The following SHANK2 variants were observed in gnomAD, a reference collection of about 807,000 sequenced individuals.
SHANK2 encodes the protein SH3 and multiple ankyrin repeat domains protein 2.
Under a neutral mutation model 133.7 loss-of-function variants are expected in SHANK2, and 43 were observed. The ratio of observed to expected loss-of-function variants is 0.32; its 90% confidence interval spans 0.25 to 0.41. SHANK2 has a LOEUF of 0.41. SHANK2 is among the 10% of genes least tolerant of loss of function. The pLI is 1.00. For missense variants in SHANK2, 1,994 were observed against 2,235.8 expected (o/e 0.89, Z 2.18); for synonymous variants, 1,017 against 952.8 (o/e 1.07, Z -1.24).
At chr11:70,843,245 G>C (rs1204660058) in intron 11 of SHANK2, among the ~76,000 whole-genome samples, 1 of 148,576 alleles carries the variant, frequency 6.7e-6, no homozygotes, top group East Asian at 2.1e-4. Context: ...GGGTGGGCTG[G>C]GCTCCTATGG....
intron 14 of SHANK2, among the ~76,000 whole-genome samples, chr11:70,753,811 A>AGTGTGTGT (rs1555037997): frequency 6.9e-6 from 1 of 144,714 alleles, no homozygotes; most frequent in East Asian, 2.0e-4. Flanking sequence ...AAAGATATTA[A>AGTGTGTGT]GTGTGTGTGT....
intron 8 of SHANK2, among the ~76,000 whole-genome samples, chr11:71,087,741 G>A (rs969169346): frequency 6.6e-5 from 10 of 152,078 alleles, no homozygotes; most frequent in South Asian, 2.1e-4. Flanking sequence ...CGATTTGCAC[G>A]CCTCAGCCGC....
chr11:70,495,393 T>G (rs2058954946), intron 21 of SHANK2, among the ~76,000 whole-genome samples: 1 of 152,240 alleles, frequency 6.6e-6, no homozygotes, highest in Admixed American at 6.5e-5. Flanking sequence ...CCCCCTTGAC[T>G]TGGGACCAGG....
At chr11:71,210,250 A>ATATATATATATATATATT (rs1353494730) in intron 2 of SHANK2, among the ~76,000 whole-genome samples, 23 of 85,452 alleles carry the variant, frequency 2.7e-4, no homozygotes, top group African/African-American at 7.9e-4. Flanking sequence ...ATATATATAT[A>ATATATATATATATATATT]TATTTATTTA....
rs781977357 is a variant in SHANK2, at chr11:70,519,905, A to ATTTTTT, written c.2062-16980_2062-16975dup. Reference sequence around the variant, plus strand: ...CCACAGGCATGCACCACCATGCCTAATTTTTTTTTTTTTTTTTTTTTTTTT... The same window carrying ATTTTTT: ...CCACAGGCATGCACCACCATGCCTAATTTTTTTTTTTTTTTTTTTTTTTTTTTTTTT... On this transcript the variant is annotated intron_variant, in intron 17 of 25. Coordinates refer to ENST00000601538, the MANE Select transcript of SHANK2 (RefSeq NM_012309.5). 1.6e-4 allele frequency among the ~76,000 whole-genome samples: 20 copies of ATTTTTT among 121,450 alleles called. No homozygotes were observed. The East Asian group carries it at 4.1e-3, about 25-fold the overall frequency. 79.7% of individuals were successfully genotyped at this position (121,450 alleles called of 152,430 possible).
At chr11:71,178,839 T>G (rs1953495136) in intron 2 of SHANK2, among the ~76,000 whole-genome samples, 1 of 151,904 alleles carries the variant, frequency 6.6e-6, no homozygotes. Flanking sequence ...CAAAAATTAT[T>G]GGGAGTGGTG....
intron 14 of SHANK2, among the ~76,000 whole-genome samples, chr11:70,715,185 G>C (rs1555026987): frequency 6.6e-6 from 1 of 152,174 alleles, no homozygotes; most frequent in Non-Finnish European, 1.5e-5. Context: ...TGCTACACTT[G>C]AGAATTATCC....
At chr11:71,085,497 A>AGC (rs1323811281) in intron 8 of SHANK2, among the ~76,000 whole-genome samples, 4 of 119,888 alleles carry the variant, frequency 3.3e-5, no homozygotes, top group Non-Finnish European at 6.5e-5. Context: ...TATAATATAT[A>AGC]ATATATATGT....
At chr11:70,550,274 C>T (rs11236605) in intron 17 of SHANK2, among the ~76,000 whole-genome samples, 24,969 of 152,098 alleles carry the variant, frequency 0.16, 2,270 homozygotes, top group East Asian at 0.36. Flanking sequence ...AGCCTCCTTA[C>T]AGCCCTTTCC....
chr11:70,616,274 A>G (rs2060740531), intron 17 of SHANK2, among the ~76,000 whole-genome samples: 1 of 152,040 alleles, frequency 6.6e-6, no homozygotes, highest in Admixed American at 6.5e-5. Flanking sequence ...GAGAAGTCTC[A>G]ATGAGCAGAA....
chr11:71,234,397 ATAAATAAC>A lies in SHANK2; in HGVS notation c.-112-9609_-112-9602del, dbSNP rs1317725828. 5.4e-3 allele frequency among the ~76,000 whole-genome samples: 815 copies of A among 150,230 alleles called. 8 individuals are homozygous for A. Among genetic ancestry groups the A allele is most frequent in the African/African-American group, 0.018 (756 of 40,958 alleles). ...AATAAATAAATAAATAAATAAATAA[ATAAATAAC>A]AACAAAATGTTAGCCTGCAGATGCA... is the stretch of plus-strand genomic sequence containing the variant. On this transcript the variant is annotated intron_variant, in intron 1 of 25. Coordinates refer to ENST00000601538, the MANE Select transcript of SHANK2 (RefSeq NM_012309.5).
intron 15 of SHANK2, among the ~76,000 whole-genome samples, chr11:70,662,396 C>T (rs1331611811): frequency 6.6e-5 from 10 of 152,310 alleles, no homozygotes; most frequent in African/African-American, 2.4e-4. Flanking sequence ...GCGCGAGCAT[C>T]CGCAGGCTGG....
At chr11:70,931,009 A>G (rs1195390304) in intron 10 of SHANK2, among the ~76,000 whole-genome samples, 3 of 152,160 alleles carry the variant, frequency 2.0e-5, no homozygotes, top group African/African-American at 7.2e-5. Flanking sequence ...CCATCAATGG[A>G]TAAATGGATG....
chr11:71,180,806 CA>C (rs1189093951), intron 2 of SHANK2, among the ~76,000 whole-genome samples: 1 of 152,022 alleles, frequency 6.6e-6, no homozygotes, highest in Non-Finnish European at 1.5e-5. Context: ...TACCAGCCAC[CA>C]CTCTTACATA....
intron 2 of SHANK2, among the ~76,000 whole-genome samples, chr11:71,163,071 T>TAAAAAAA (rs1159852026): frequency 2.2e-5 from 1 of 45,608 alleles, no homozygotes; most frequent in Non-Finnish European, 3.9e-5. Context: ...AGACTCTGTC[T>TAAAAAAA]AAAAAAAAAA....
At position 70,856,434 on chromosome 11, in the gene SHANK2, A is replaced by G. The variant is rs150591343; in HGVS notation, c.1175-35752T>C. Among the ~76,000 whole-genome samples, 529 of 151,662 alleles carry G rather than the reference A, an allele frequency of 3.5e-3. 3 individuals carry two copies. Among genetic ancestry groups the G allele is most frequent in the African/African-American group, 0.011 (468 of 41,340 alleles). On this transcript the variant is annotated intron_variant, in intron 11 of 25. Coordinates refer to ENST00000601538, the MANE Select transcript of SHANK2 (RefSeq NM_012309.5). ...AATGGGTAGATGGATGGATGGATAA[A>G]TTAACAGATGGATATTTGGATGGAT...
chr11:70,484,918 C>G (rs2058779894), intron 25 of SHANK2, among the ~76,000 whole-genome samples: 1 of 152,146 alleles, frequency 6.6e-6, no homozygotes, highest in South Asian at 2.1e-4. Flanking sequence ...CTTGGGGCAG[C>G]TAGTCTCCTG....
chr11:70,826,679 T>C (rs952716531), intron 11 of SHANK2: 2 of 372,562 alleles, frequency 5.4e-6, no homozygotes, highest in Admixed American at 6.3e-5. Flanking sequence ...CCCAGCGTGC[T>C]GGTGACAAAG....
chr11:71,097,472 T>C (rs782390657), intron 6 of SHANK2, among the ~76,000 whole-genome samples: 7 of 152,250 alleles, frequency 4.6e-5, no homozygotes, highest in Middle Eastern at 3.2e-3. Context: ...TCTTTAGTTT[T>C]AAAAATAGAC....
Sources: gnomAD v4.1 joint callset for allele counts (sites outside exome capture counted in the v4.1 genomes callset) on GRCh38, gnomAD v4.1.1 for gene constraint, MANE v1.5 for transcripts, NCBI Gene and HGNC (gene_info 2026-07-23, HGNC 2026-07-21) for gene names.